Variants in ANKRD12 observed in about 807,000 individuals in gnomAD.
ANKRD12 encodes ankyrin repeat domain 12, also known as ankyrin repeat domain-containing protein 12.
Under a neutral mutation model 183.4 loss-of-function variants are expected in ANKRD12, and 85 were observed. The ratio of observed to expected loss-of-function variants is 0.46; its 90% CI spans 0.39 to 0.56. The LOEUF (loss-of-function observed/expected upper bound fraction) is 0.56, where lower values mean the gene tolerates loss of function less well. ANKRD12 is among the 20% of genes least tolerant of loss of function. The probability of loss-of-function intolerance (pLI) is 0.00; values close to 1 mark genes in which losing one functional copy is unlikely to be tolerated. For synonymous variants in ANKRD12, 914 were observed against 800.2 expected (o/e 1.14, Z -2.40); for missense variants, 2,405 against 2,357.1 (o/e 1.02, Z -0.42).
At chr18:9,169,392 T>G (rs1425899590) in intron 1 of ANKRD12, among the ~76,000 whole-genome samples, 9 of 152,262 alleles carry the variant, frequency 5.9e-5, no homozygotes, top group African/African-American at 1.7e-4. Flanking sequence ...GAATCTGGGT[T>G]CTTCTGTATT....
intron 8 of ANKRD12, among the ~76,000 whole-genome samples, chr18:9,226,943 A>G (rs1482062764): frequency 3.9e-5 from 6 of 152,298 alleles, no homozygotes; most frequent in Admixed American, 3.3e-4. Context: ...ATTAAAGGCA[A>G]TACCTGCTCC....
In ANKRD12 at chr18:9,257,033, C is replaced by T. The variant is rs2038674674; in HGVS notation, c.3766C>T (p.Pro1256Ser). ...QSPFLSIAKS[P>S]ALHERELDSL... ...ACCTTTTTTGTCAATTGCCAAATCT[C>T]CTGCTCTTCATGAAAGGGAATTGGA... The change falls in exon 9 of 13, where the codon CCT becomes TCT. Residue 1256 changes from proline (P) to serine (S), a missense_variant. This residue lies in a region of ANKRD12 where 1,983 missense variants were observed against 1,725.9 expected (regional missense o/e 1.15). Coordinates refer to ENST00000262126, the MANE Select transcript of ANKRD12 (RefSeq NM_015208.5). 1.2e-6 allele frequency: 2 copies of T among 1,613,988 alleles called. No homozygotes were observed. The highest frequency in any genetic ancestry group is 1.7e-5 in the Admixed American group (1 of 59,982).
Position 9,186,907 on chromosome 18 carries a change from G to A in ANKRD12, c.87+4388G>A, listed in dbSNP as rs371892426. ...GCTGGGACTACAGGTGCCCGCCACC[G>A]CACCTGGCTAATTTTTTGTATTTTT... On this transcript the variant is annotated intron_variant, in intron 2 of 12. Transcript: ENST00000262126. Among the ~76,000 whole-genome samples, 59 of 151,652 alleles carry A rather than the reference G, an allele frequency of 3.9e-4. 1 individual carries two copies. The highest frequency in any genetic ancestry group is 1.1e-3 in the African/African-American group (46 of 41,330).
intron 3 of ANKRD12, among the ~76,000 whole-genome samples, chr18:9,199,913 GTATT>G (rs1387579416): frequency 1.3e-5 from 2 of 152,070 alleles, no homozygotes. Context: ...TGGATGTGGG[GTATT>G]TATTACTTCC....
At chr18:9,277,330 T>TTC (rs918745866) in intron 11 of ANKRD12, among the ~76,000 whole-genome samples, 8 of 145,644 alleles carry the variant, frequency 5.5e-5, no homozygotes, top group African/African-American at 2.0e-4. Context: ...TCTTTTTTTT[T>TTC]TTTTTTTTTT....
chr18:9,256,593 G>T lies in ANKRD12; in HGVS notation c.3326G>T (p.Arg1109Leu). 2 of 1,601,130 alleles carry T rather than the reference G, an allele frequency of 1.2e-6. No homozygotes were observed. Among genetic ancestry groups the T allele is most frequent in the South Asian group, 1.1e-5 (1 of 87,200 alleles). ...KEKIKQKEKE[R>L]LRNRNCLELK... ...AAAATTAAGCAAAAAGAAAAGGAAC[G>T]GTTGAGAAACCGAAACTGTTTAGAA... Residue 1109 changes from arginine (R) to leucine (L), a missense_variant, in exon 9 of 13, where the codon CGG (arginine) becomes CTG (leucine). Physicochemically the swap from Arg to Leu is moderately radical, Grantham distance 102. Around this residue, in one of 7 missense-constraint regions of ANKRD12, gnomAD observed 1,983 missense variants for 1,725.9 expected, o/e 1.15. Transcript: ENST00000262126.
At chr18:9,176,176 T>C (rs1286391685) in intron 1 of ANKRD12, among the ~76,000 whole-genome samples, 1 of 152,232 alleles carries the variant, frequency 6.6e-6, no homozygotes, top group Non-Finnish European at 1.5e-5. Context: ...GAGTCACAGA[T>C]AGGTGAACAT....
Position 9,258,071 on chromosome 18 carries a change from A to G in ANKRD12, c.4804A>G (p.Thr1602Ala). ...NGSDASTQLNTHYAFSKLTYK... is the reference protein window; with the variant it reads ...NGSDASTQLNAHYAFSKLTYK... ...AAGTGATGCCTCTACCCAGCTAAAT[A>G]CACATTATGCATTTAGCAAACTAAC... The change falls in exon 9 of 13, where the codon ACA becomes GCA. Residue 1602 changes from threonine to alanine, a missense_variant. Around this residue, in one of 7 missense-constraint regions of ANKRD12, gnomAD observed 1,983 missense variants for 1,725.9 expected, o/e 1.15. Transcript: ENST00000262126. 2 of 1,613,328 alleles carry G rather than the reference A, an allele frequency of 1.2e-6. No individual in the cohort carries two copies. Among genetic ancestry groups the G allele is most frequent in the Non-Finnish European group, 1.7e-6 (2 of 1,179,934 alleles).
chr18:9,160,835 TTG>T (rs1381528885), intron 1 of ANKRD12, among the ~76,000 whole-genome samples: 2 of 152,128 alleles, frequency 1.3e-5, no homozygotes, highest in African/African-American at 4.8e-5. Context: ...CCAACACAAT[TTG>T]ATCGTCTTTA....
chr18:9,271,433 G>A (rs997303050), intron 10 of ANKRD12, among the ~76,000 whole-genome samples: 6 of 152,126 alleles, frequency 3.9e-5, no homozygotes, highest in Admixed American at 1.3e-4. Context: ...GCAGGAGAAC[G>A]GCGTGAACCC....
intron 6 of ANKRD12, among the ~76,000 whole-genome samples, chr18:9,212,414 AATC>A (rs2035855821): frequency 6.6e-6 from 1 of 151,982 alleles, no homozygotes; most frequent in Non-Finnish European, 1.5e-5. Flanking sequence ...TTTAAAGTGA[AATC>A]ATTCCATCTG....
At chr18:9,251,459 C>T (rs960116069) in intron 8 of ANKRD12, among the ~76,000 whole-genome samples, 14 of 152,116 alleles carry the variant, frequency 9.2e-5, no homozygotes, top group African/African-American at 3.1e-4. Flanking sequence ...TATTTAAATG[C>T]ATTTAAATAA....
chr18:9,226,790 G>T (rs934446524), intron 8 of ANKRD12, among the ~76,000 whole-genome samples: 17 of 152,124 alleles, frequency 1.1e-4, no homozygotes, highest in African/African-American at 4.1e-4. Flanking sequence ...TAGTATTACA[G>T]CTGAGAATGC....
At chr18:9,270,393 G>C (rs927611110) in intron 10 of ANKRD12, among the ~76,000 whole-genome samples, 4 of 152,168 alleles carry the variant, frequency 2.6e-5, no homozygotes, top group African/African-American at 9.7e-5. Context: ...ACTGGATTAA[G>C]AAAATGTGGC....
chr18:9,255,964 C>G lies in ANKRD12; in HGVS notation c.2697C>G (p.Asp899Glu). The G allele has an allele frequency of 6.4e-7, 1 of 1,569,876 alleles. No homozygotes were observed. Among genetic ancestry groups the G allele is most frequent in the Non-Finnish European group, 8.6e-7 (1 of 1,166,164 alleles). ...CTGCTGCTATTAAAAAAACTGACGACAGAGAGAAAAGTAGAGAAAAGATGG... is the reference window on the plus strand; with the variant it reads ...CTGCTGCTATTAAAAAAACTGACGAGAGAGAGAAAAGTAGAGAAAAGATGG... Reference protein sequence around the residue: ...KNTAAIKKTDDREKSREKMDR... With the variant: ...KNTAAIKKTDEREKSREKMDR... The change falls in exon 9 of 13, where the codon GAC becomes GAG. Residue 899 changes from aspartate to glutamate, a missense_variant. By Grantham distance (45) the Asp-to-Glu change is conservative. Around this residue, in one of 7 missense-constraint regions of ANKRD12, gnomAD observed 1,983 missense variants for 1,725.9 expected, o/e 1.15. Transcript: ENST00000262126.
chr18:9,230,298 C>T (rs539984090), intron 8 of ANKRD12, among the ~76,000 whole-genome samples: 167 of 152,188 alleles, frequency 1.1e-3, no homozygotes, highest in African/African-American at 3.7e-3. Context: ...TGGTGATTTT[C>T]GGTATTTCTG....
rs1239035406 is a variant in ANKRD12 at position 9,245,942 on chromosome 18, A to G, written c.944-8269A>G. ...GTAACATAGCATGATGGTTGTACCA[A>G]TTTTGGAGTCAGAGAAACTTGGATT... On this transcript the variant is annotated intron_variant, in intron 8 of 12. Transcript: ENST00000262126. 3.3e-5 allele frequency among the ~76,000 whole-genome samples: 5 copies of G among 152,088 alleles called. No individual in the cohort carries two copies. The South Asian group carries it at 8.3e-4, about 25-fold the overall frequency.
intron 3 of ANKRD12, among the ~76,000 whole-genome samples, chr18:9,200,917 A>G (rs904632562): frequency 6.6e-6 from 1 of 152,188 alleles, no homozygotes; most frequent in African/African-American, 2.4e-5. Flanking sequence ...TAGCTCATAC[A>G]TGGGCTTTGT....
chr18:9,146,268 A>C (rs1320211801), intron 1 of ANKRD12, among the ~76,000 whole-genome samples: 1 of 152,234 alleles, frequency 6.6e-6, no homozygotes, highest in Non-Finnish European at 1.5e-5. Flanking sequence ...GTTCTATTTT[A>C]AAAATAAAAC....
Sources: allele counts gnomAD v4.1 joint callset (sites outside exome capture counted in the v4.1 genomes callset), GRCh38; gene constraint gnomAD v4.1.1; regional missense constraint gnomAD v4.1.1; transcripts MANE v1.5; gene names NCBI Gene and HGNC (gene_info 2026-07-23, HGNC 2026-07-21).